TST: variants seen among roughly 807,000 people sequenced by gnomAD.
TST encodes the protein thiosulfate sulfurtransferase.
A neutral mutation model predicts 20.4 loss-of-function variants in TST; 22 were observed. That is an observed-to-expected ratio of 1.08 (90% CI 0.77 to 1.54). The LOEUF (loss-of-function observed/expected upper bound fraction) is 1.54, where lower values mean the gene tolerates loss of function less well. TST is among the 40% of genes most tolerant of loss of function. The probability of loss-of-function intolerance (pLI) is 0.00; values close to 1 mark genes in which losing one functional copy is unlikely to be tolerated. For missense variants in TST, 392 were observed against 405.2 expected (o/e 0.97, Z 0.28); for synonymous variants, 187 against 173.8 (o/e 1.08, Z -0.60).
intron 2 of TST, among the ~76,000 whole-genome samples, chr22:37,014,701 T>G (rs1240127195): frequency 6.6e-6 from 1 of 152,168 alleles, no homozygotes; most frequent in East Asian, 1.9e-4. Flanking sequence ...AACGCCTGTG[T>G]TCTTTGACCA....
rs1473264938 is a variant in TST, at chr22:37,018,169, G to A, written c.564C>T (p.Phe188=). The A allele has an allele frequency of 6.3e-7, 1 of 1,577,064 alleles. No homozygotes were observed. The highest frequency in any genetic ancestry group is 8.6e-7 in the Non-Finnish European group (1 of 1,159,486). ...QLVDSRSQGR[F]LGTEPEPDAV... ...CATCCGGCTCCGGCTCGGTGCCCAG[G>A]AACCGCCCTTGAGACCTTGAATCCA... The change falls in exon 2 of 3, where the codon TTC becomes TTT. Residue 188 remains phenylalanine (F), a synonymous_variant. Coordinates refer to ENST00000249042, the MANE Select transcript of TST (RefSeq NM_003312.6).
At chr22:37,014,790 C>T in intron 2 of TST, among the ~76,000 whole-genome samples, 1 of 152,196 alleles carries the variant, frequency 6.6e-6, no homozygotes, top group South Asian at 2.1e-4. Flanking sequence ...CTAGAGTTAA[C>T]ATCCCTCAGG....
At chr22:37,012,134 G>A (rs182959969) in intron 2 of TST, among the ~76,000 whole-genome samples, 20 of 152,320 alleles carry the variant, frequency 1.3e-4, no homozygotes, top group South Asian at 6.2e-4. Context: ...CAAGGAAAGC[G>A]CTGGCTTTGG....
chr22:37,011,684 A>G (rs182116829), intron 2 of TST, among the ~76,000 whole-genome samples: 5 of 152,290 alleles, frequency 3.3e-5, no homozygotes, highest in Admixed American at 2.6e-4. Flanking sequence ...GTACATACCT[A>G]TCTCACAGCC....
chr22:37,019,629 C>T, upstream of TST: 1 of 289,452 alleles, frequency 3.5e-6, no homozygotes, highest in Non-Finnish European at 6.4e-6. Flanking sequence ...AGGGGGACGC[C>T]GGGTGGCGCG....
At position 37,011,084 on chromosome 22, in the gene TST, C is replaced by A. The variant is rs1229490496; in HGVS notation, c.837G>T (p.Trp279Cys). 1 of 1,612,812 alleles carries A rather than the reference C, an allele frequency of 6.2e-7. No individual in the cohort carries two copies. Among genetic ancestry groups the A allele is most frequent in the Non-Finnish European group, 8.5e-7 (1 of 1,179,986 alleles). ...GGCTCTCTGGGGGGGCCCGGCGAAA[C>A]CACTCGGACCAGGAGCCATCGTACA... ...VAVYDGSWSEWFRRAPPESRV... is the reference protein window; with the variant it reads ...VAVYDGSWSECFRRAPPESRV... The change falls in exon 3 of 3, where the codon TGG (tryptophan) becomes TGT (cysteine). Residue 279 changes from tryptophan to cysteine, a missense_variant. Physicochemically the swap from Trp to Cys is radical, Grantham distance 215. Coordinates refer to ENST00000249042, the MANE Select transcript of TST (RefSeq NM_003312.6).
At chr22:37,016,879 C>T (rs1331482958) in intron 2 of TST, among the ~76,000 whole-genome samples, 1 of 152,234 alleles carries the variant, frequency 6.6e-6, no homozygotes, top group Admixed American at 6.5e-5. Context: ...CGGCCTTGGC[C>T]CCTGCCTCTG....
In TST at chr22:37,018,319, GCCCTC is replaced by G. The variant is rs1922779712; in HGVS notation, c.409_413del (p.Glu137ProfsTer35). On this transcript the variant is annotated frameshift_variant, in exon 2 of 3. Transcript: ENST00000249042. LOFTEE classifies it high-confidence loss of function. ...GTGAGGGCTCGGATGTCACCGGGTG[GCCCTC>G]CTTCAGCCAGTTCCGGAAGCCACCA... 6.2e-7 allele frequency: 1 copy of G among 1,613,984 alleles called. No homozygotes were observed. Among genetic ancestry groups the G allele is most frequent in the Non-Finnish European group, 8.5e-7 (1 of 1,180,012 alleles).
In TST at chr22:37,014,385, AAAC is replaced by A. The variant is rs1569161624; in HGVS notation, c.596-3063_596-3061del. On this transcript the variant is annotated intron_variant, in intron 2 of 2. Coordinates refer to ENST00000249042, the MANE Select transcript of TST (RefSeq NM_003312.6). Reference sequence around the variant, plus strand: ...ACTCCGTCTCAAAAAACAAACAAACAAACAAAAAGAACAGCCAGTTGGTGGAAA... The same window carrying A: ...ACTCCGTCTCAAAAAACAAACAAACAAAAAAGAACAGCCAGTTGGTGGAAA... Among the ~76,000 whole-genome samples, 35 of 151,824 alleles carry A rather than the reference AAAC, an allele frequency of 2.3e-4. No individual in the cohort carries two copies. The East Asian group carries it at 5.8e-3, about 25-fold the overall frequency.
chr22:37,013,692 G>A (rs1005398820), intron 2 of TST, among the ~76,000 whole-genome samples: 3 of 152,190 alleles, frequency 2.0e-5, no homozygotes, highest in Non-Finnish European at 4.4e-5. Context: ...TGCTTTGCCT[G>A]GAAACTTGAA....
Position 37,011,278 on chromosome 22 carries a change from C to G in TST, c.643G>C (p.Asp215His). The change falls in exon 3 of 3, where the codon GAC (aspartate) becomes CAC (histidine). Residue 215 changes from aspartate to histidine, a missense_variant. Asp to His is a moderately conservative substitution (Grantham distance 81). Coordinates refer to ENST00000249042, the MANE Select transcript of TST (RefSeq NM_003312.6). ...IRGAVNMPFM[D>H]FLTEDGFEKG... ...TCGAAGCCATCCTCAGTCAGGAAGTCCATGAAAGGCATGTTGACGGCACCA... is the reference window on the plus strand; with the variant it reads ...TCGAAGCCATCCTCAGTCAGGAAGTGCATGAAAGGCATGTTGACGGCACCA... 1 of 1,613,900 alleles carries G rather than the reference C, an allele frequency of 6.2e-7. No homozygotes were observed. The highest frequency in any genetic ancestry group is 8.5e-7 in the Non-Finnish European group (1 of 1,179,960).
At position 37,018,613 on chromosome 22, in the gene TST, GC is replaced by G; in HGVS notation, c.119del (p.Gly40AlafsTer22). ...GGTACTCCTTGCGGGCCTCTCGGGT[GC>G]CTGGTGAGTACCAGGACGCGTCCAG... is the stretch of plus-strand genomic sequence containing the variant. ...RVLDASWYSP[G>X]TREARKEYLE... On this transcript the variant is annotated frameshift_variant, in exon 2 of 3. Coordinates refer to ENST00000249042, the MANE Select transcript of TST (RefSeq NM_003312.6). LOFTEE classifies it high-confidence loss of function. 6.4e-7 allele frequency: 1 copy of G among 1,570,332 alleles called. No homozygotes were observed. The highest frequency in any genetic ancestry group is 8.6e-7 in the Non-Finnish European group (1 of 1,158,350).
Position 37,018,652 on chromosome 22 carries a change from G to A in TST, c.81C>T (p.Pro27=). 1 of 1,562,878 alleles carries A rather than the reference G, an allele frequency of 6.4e-7. No individual in the cohort carries two copies. The highest frequency in any genetic ancestry group is 8.7e-7 in the Non-Finnish European group (1 of 1,154,234). ...AGGACGCGTCCAGCACCCGCAGGCC[G>A]GGCCCCAGCTTGCCAGTCCTGATGG... ...AESIRTGKLG[P]GLRVLDASWY... Residue 27 remains proline, a synonymous_variant, in exon 2 of 3, where the codon CCC becomes CCT. Coordinates refer to ENST00000249042, the MANE Select transcript of TST (RefSeq NM_003312.6).
chr22:37,018,059 G>T, intron 2 of TST, 79 bp downstream of exon 2: 1 of 1,113,372 alleles, frequency 9.0e-7, no homozygotes. Flanking sequence ...GGACCCTGGA[G>T]AGGGTCCCAG....
chr22:37,018,261 C>G lies in TST; in HGVS notation c.472G>C (p.Asp158His). 2 of 1,614,056 alleles carry G rather than the reference C, an allele frequency of 1.2e-6. No individual in the cohort carries two copies. The highest frequency in any genetic ancestry group is 1.7e-6 in the Non-Finnish European group (2 of 1,180,020). Residue 158 changes from aspartate to histidine, a missense_variant, in exon 2 of 3, where the codon GAC becomes CAC. Asp to His is a moderately conservative substitution (Grantham distance 81). Transcript: ENST00000249042. ...TCGTAGGTCTTGAGCAGGGAGCGGT[C>G]CAGTGTGGCTTTGAAGACGGCCGGT... ...PEPAVFKATL[D>H]RSLLKTYEQV...
Position 37,011,055 on chromosome 22 carries a change from A to T in TST, c.866T>A (p.Val289Glu). The change falls in exon 3 of 3, where the codon GTG becomes GAG. Residue 289 changes from valine (V) to glutamate (E), a missense_variant. Physicochemically the swap from Val to Glu is moderately radical, Grantham distance 121 (BLOSUM62 -2). Transcript: ENST00000249042. ...WFRRAPPESR[V>E]SQGKSEKA ...GGCCTTCTCAGACTTTCCCTGGGACACACGGCTCTCTGGGGGGGCCCGGCG... is the reference window on the plus strand; with the variant it reads ...GGCCTTCTCAGACTTTCCCTGGGACTCACGGCTCTCTGGGGGGGCCCGGCG... The T allele has an allele frequency of 6.2e-7, 1 of 1,611,454 alleles. No individual in the cohort carries two copies. Among genetic ancestry groups the T allele is most frequent in the Non-Finnish European group, 8.5e-7 (1 of 1,179,670 alleles).
upstream of TST, chr22:37,019,886 C>A: frequency 8.3e-7 from 1 of 1,198,942 alleles, no homozygotes; most frequent in South Asian, 4.2e-5. Context: ...ACTGCCGCGG[C>A]GTGGCGGCTT....
intron 2 of TST, among the ~76,000 whole-genome samples, chr22:37,014,890 G>A (rs1922617335): frequency 6.6e-6 from 1 of 152,158 alleles, no homozygotes; most frequent in South Asian, 2.1e-4. Context: ...AGCCCCAGAA[G>A]GCAACCCCTT....
chr22:37,016,166 C>T (rs913402236), intron 2 of TST, among the ~76,000 whole-genome samples: 1 of 151,690 alleles, frequency 6.6e-6, no homozygotes, highest in Non-Finnish European at 1.5e-5. Flanking sequence ...AGGCTGGTCT[C>T]GAACTCCCGA....
Sources: gnomAD v4.1 joint callset for allele counts (sites outside exome capture counted in the v4.1 genomes callset) on GRCh38, gnomAD v4.1.1 for gene constraint, MANE v1.5 for transcripts, NCBI Gene and HGNC (gene_info 2026-07-23, HGNC 2026-07-21) for gene names.